The following KAT6B variants were observed in gnomAD, a reference collection of about 807,000 sequenced individuals.
KAT6B encodes the protein histone acetyltransferase KAT6B.
In KAT6B, 10 loss-of-function variants were observed where a neutral mutation model predicts 187.5. That is an observed-to-expected ratio of 0.05 (90% confidence interval 0.03 to 0.09). The LOEUF (loss-of-function observed/expected upper bound fraction) is 0.09. KAT6B is among the 10% of genes least tolerant of loss of function. The pLI, the probability that KAT6B is intolerant of heterozygous loss-of-function variation, is 1.00. For synonymous variants in KAT6B, 861 were observed against 926.8 expected (o/e 0.93, Z 1.29); for missense variants, 1,952 against 2,558.9 (o/e 0.76, Z 5.12).
intron 3 of KAT6B, among the ~76,000 whole-genome samples, chr10:74,941,079 A>C (rs1396266525): frequency 1.3e-5 from 2 of 152,160 alleles, no homozygotes; most frequent in African/African-American, 2.4e-5. Flanking sequence ...TCAGGTTAAG[A>C]TTCTTCGCAC....
At chr10:74,933,434 A>G (rs1849021715) in intron 3 of KAT6B, among the ~76,000 whole-genome samples, 1 of 152,200 alleles carries the variant, frequency 6.6e-6, no homozygotes, top group Non-Finnish European at 1.5e-5. Context: ...GTAGATGTTG[A>G]TTAATTCATG....
chr10:75,000,605 T>C (rs889384982), intron 13 of KAT6B, among the ~76,000 whole-genome samples: 3 of 152,124 alleles, frequency 2.0e-5, no homozygotes, highest in Admixed American at 2.0e-4. Flanking sequence ...AACTTGCCAT[T>C]AATATTAATT....
At chr10:74,980,088 G>A (rs1842412871) in intron 10 of KAT6B, among the ~76,000 whole-genome samples, 1 of 152,244 alleles carries the variant, frequency 6.6e-6, no homozygotes, top group Non-Finnish European at 1.5e-5. Context: ...GAACCCAGGA[G>A]GTGGAGGTTG....
intron 3 of KAT6B, among the ~76,000 whole-genome samples, chr10:74,940,766 T>A (rs1307988662): frequency 1.3e-5 from 2 of 152,064 alleles, no homozygotes; most frequent in African/African-American, 2.4e-5. Flanking sequence ...TTTTAAAACA[T>A]GTTTATGTAC....
chr10:74,873,286 T>A (rs1844143597), intron 3 of KAT6B, among the ~76,000 whole-genome samples: 1 of 143,508 alleles, frequency 7.0e-6, no homozygotes. Context: ...CATAGAGAGA[T>A]CCCATCTCTA....
intron 1 of KAT6B, among the ~76,000 whole-genome samples, chr10:74,835,519 C>T (rs879777211): frequency 6.6e-6 from 1 of 152,152 alleles, no homozygotes; most frequent in African/African-American, 2.4e-5. Context: ...AGGTAATACC[C>T]GAAGTAACTC....
chr10:75,020,995 T>C, intron 14 of KAT6B, 131 bp from the exon 15 acceptor site: 1 of 1,003,710 alleles, frequency 1.0e-6, no homozygotes, highest in South Asian at 1.3e-5. Context: ...CAGTGTTCTG[T>C]ACCCTCTCAT....
chr10:74,994,036 C>T (rs1589771365), intron 13 of KAT6B, among the ~76,000 whole-genome samples: 2 of 152,160 alleles, frequency 1.3e-5, no homozygotes, highest in Admixed American at 6.5e-5. Flanking sequence ...TATCAATTCT[C>T]ATCCAATTTT....
chr10:74,987,801 T>G (rs748348688), intron 12 of KAT6B, among the ~76,000 whole-genome samples: 13 of 152,222 alleles, frequency 8.5e-5, no homozygotes, highest in Non-Finnish European at 1.9e-4. Context: ...CAAGGAATGG[T>G]ATCAAGGATG....
At chr10:74,844,791 T>C (rs1161227474) in intron 3 of KAT6B, among the ~76,000 whole-genome samples, 1 of 152,248 alleles carries the variant, frequency 6.6e-6, no homozygotes, top group Non-Finnish European at 1.5e-5. Context: ...AAACACAAAG[T>C]AGAGCAGCAG....
chr10:75,008,552 C>T lies in KAT6B; in HGVS notation c.2630-12030C>T, dbSNP rs139280687. Among the ~76,000 whole-genome samples, 928 of 152,284 alleles carry T rather than the reference C, an allele frequency of 6.1e-3. 5 individuals are homozygous for T. Among genetic ancestry groups the T allele is most frequent in the African/African-American group, 0.021 (862 of 41,550 alleles). ...GAGTCCTGCCCTGGGGTTCACCCAG[C>T]GTTGGAGCTTTTCTCCATGAAGTTA... On this transcript the variant is annotated intron_variant, in intron 13 of 17. Transcript: ENST00000287239.
At chr10:74,924,394 G>A (rs1848345515) in intron 3 of KAT6B, among the ~76,000 whole-genome samples, 1 of 152,180 alleles carries the variant, frequency 6.6e-6, no homozygotes, top group Non-Finnish European at 1.5e-5. Context: ...AGCAATGCAT[G>A]CTGTCAGTTT....
At position 74,881,492 on chromosome 10, in the gene KAT6B, C is replaced by T. The variant is rs571659768; in HGVS notation, c.621+38014C>T. 3.3e-5 allele frequency among the ~76,000 whole-genome samples: 5 copies of T among 152,340 alleles called. No individual in the cohort carries two copies. In the South Asian group the frequency reaches 1.0e-3, roughly 32 times the overall value. Reference sequence around the variant, plus strand: ...GGCTTCTGGCTATCTCCAAACACCCCATGCCTTCTGTGCTCCACCCTCTGT... The same window carrying T: ...GGCTTCTGGCTATCTCCAAACACCCTATGCCTTCTGTGCTCCACCCTCTGT... On this transcript the variant is annotated intron_variant, in intron 3 of 17. Transcript: ENST00000287239.
intron 17 of KAT6B, chr10:75,025,787 G>A (rs1157311375): frequency 6.2e-6 from 1 of 160,122 alleles, no homozygotes; most frequent in Admixed American, 5.9e-5. Flanking sequence ...CACTTTGGGA[G>A]GCTGAGGCAG....
At chr10:74,983,889 CTT>C (rs1842669814) in intron 11 of KAT6B, 2 of 152,214 alleles carry the variant, frequency 1.3e-5, no homozygotes, top group African/African-American at 4.8e-5. Flanking sequence ...TCTTACAAAA[CTT>C]ATAAAATAAA....
chr10:74,967,958 A>G (rs1036687521), intron 4 of KAT6B, among the ~76,000 whole-genome samples: 9 of 152,202 alleles, frequency 5.9e-5, no homozygotes, highest in African/African-American at 1.9e-4. Context: ...CCCATGATAT[A>G]TGCCTTACAG....
chr10:74,830,756 A>ATG lies in KAT6B; in HGVS notation c.-329+3972_-329+3973insGT, dbSNP rs1564892013. Among the ~76,000 whole-genome samples, 7 of 25,972 alleles carry ATG rather than the reference A, an allele frequency of 2.7e-4. No homozygotes were observed. In the South Asian group the frequency reaches 5.6e-3, roughly 21 times the overall value. 17.0% of individuals were successfully genotyped at this position (25,972 alleles called of 152,430 possible). On this transcript the variant is annotated intron_variant, in intron 1 of 17. Transcript: ENST00000287239. ...CATATATATATATATATATATATATATATATATATATATTTTTTTTTTTTT... is the reference window on the plus strand; with the variant it reads ...CATATATATATATATATATATATATATGTATATATATATATTTTTTTTTTTTT...
chr10:74,875,969 A>G (rs1844385414), intron 3 of KAT6B, among the ~76,000 whole-genome samples: 1 of 152,216 alleles, frequency 6.6e-6, no homozygotes, highest in South Asian at 2.1e-4. Context: ...ATGAAGTTCA[A>G]AATTCTAATT....
intron 3 of KAT6B, among the ~76,000 whole-genome samples, chr10:74,900,123 G>A (rs1486281913): frequency 6.6e-6 from 1 of 151,166 alleles, no homozygotes; most frequent in African/African-American, 2.4e-5. Context: ...CACAGATAAT[G>A]TTAACATTAA....
Sources: gnomAD v4.1 joint callset for allele counts (sites outside exome capture counted in the v4.1 genomes callset) on GRCh38, gnomAD v4.1.1 for gene constraint, MANE v1.5 for transcripts, NCBI Gene and HGNC (gene_info 2026-07-23, HGNC 2026-07-21) for gene names.